The following WSCD1 variants were observed in gnomAD, a reference collection of about 807,000 sequenced individuals.
WSCD1 encodes WSC domain sialate O sulfotransferase 1, also known as sialate:O-sulfotransferase 1.
A neutral mutation model predicts 60.4 loss-of-function variants in WSCD1; 41 were observed. The observed-to-expected ratio is 0.68, with a 90% CI of 0.53 to 0.88. The LOEUF is 0.88. Among genes scored for constraint, WSCD1 ranks in the 40% least tolerant of loss-of-function variants. The pLI is 0.00. For synonymous variants in WSCD1, 361 were observed against 332.5 expected, an observed-to-expected ratio of 1.09 and a Z score of -0.93; for missense variants, 784 against 796.2, an observed-to-expected ratio of 0.98 and a Z score of 0.18.
At chr17:6,076,618 AC>A (rs1176508923) in intron 1 of WSCD1, among the ~76,000 whole-genome samples, 1 of 152,122 alleles carries the variant, frequency 6.6e-6, no homozygotes, top group Admixed American at 6.5e-5. Flanking sequence ...AAGCATATTT[AC>A]CCCCATTTAA....
In WSCD1 at chr17:6,080,847, C is replaced by T. The variant is rs946809877; in HGVS notation, c.189C>T (p.Gly63=). ...QTLPVAAVAL[G]VGLLDSRALH... ...TGCCAGTGGCCGCCGTGGCGCTGGG[C>T]GTGGGCTTGCTGGACAGCAGAGCCC... Residue 63 remains glycine, a synonymous_variant, in exon 2 of 9, where the codon GGC becomes GGT. Coordinates refer to ENST00000317744, the MANE Select transcript of WSCD1 (RefSeq NM_015253.2). The surrounding 1 kb of genome is among the most constrained non-coding windows in gnomAD (Gnocchi z 6.6). The T allele has an allele frequency of 8.7e-6, 14 of 1,606,588 alleles. No individual in the cohort carries two copies. The highest frequency in any genetic ancestry group is 6.7e-5 in the East Asian group (3 of 44,690).
chr17:6,082,644 T>C (rs944654589), intron 2 of WSCD1, among the ~76,000 whole-genome samples: 6 of 152,182 alleles, frequency 3.9e-5, no homozygotes, highest in African/African-American at 1.4e-4. Flanking sequence ...AGTCAGCTTC[T>C]CAGCATCCCT....
intron 8 of WSCD1, among the ~76,000 whole-genome samples, chr17:6,119,085 A>G (rs559835406): frequency 3.9e-5 from 6 of 152,194 alleles, no homozygotes; most frequent in East Asian, 1.9e-4. Context: ...CACTAATTCC[A>G]TCACAAGGGC....
chr17:6,078,342 G>A (rs149261398), intron 1 of WSCD1, among the ~76,000 whole-genome samples: 2 of 152,326 alleles, frequency 1.3e-5, no homozygotes, highest in South Asian at 4.1e-4. Flanking sequence ...CCGGGATGGT[G>A]AGTGCTGGGC....
intron 7 of WSCD1, among the ~76,000 whole-genome samples, chr17:6,117,389 G>A (rs1567562413): frequency 6.6e-6 from 1 of 152,218 alleles, no homozygotes; most frequent in Non-Finnish European, 1.5e-5. Flanking sequence ...CATGGCATCA[G>A]GTCAGAGGGT....
In WSCD1 at chr17:6,080,419, T is replaced by A. The variant is rs1909154938; in HGVS notation, c.-240T>A. The A allele has an allele frequency of 1.5e-5, 8 of 546,168 alleles. No individual in the cohort carries two copies. In the East Asian group the frequency reaches 2.6e-4, roughly 17 times the overall value. The allele number at this position is 546,168 out of a possible 1,614,324, so 33.8% of individuals were successfully genotyped here. Reference sequence around the variant, plus strand: ...GCGGTAGAGCCCTGGAATGGAGATGTCCTTGACGCCTGGGCAGAGGCTGCA... The same window carrying A: ...GCGGTAGAGCCCTGGAATGGAGATGACCTTGACGCCTGGGCAGAGGCTGCA... On this transcript the variant is annotated 5_prime_UTR_variant, in exon 2 of 9. The change creates a premature stop within an existing upstream ORF in the 5' untranslated region. Transcript: ENST00000317744. This position sits in a 1 kb window ranked among gnomAD's most constrained non-coding sequence, Gnocchi z 6.6.
At chr17:6,081,719 A>G (rs925053501) in intron 2 of WSCD1, among the ~76,000 whole-genome samples, 2 of 152,108 alleles carry the variant, frequency 1.3e-5, no homozygotes, top group African/African-American at 4.8e-5. Context: ...AAAAGAAAAA[A>G]AAAAAATTAG....
intron 5 of WSCD1, among the ~76,000 whole-genome samples, chr17:6,107,146 T>C (rs1911132305): frequency 2.6e-5 from 4 of 152,222 alleles, no homozygotes; most frequent in Admixed American, 2.6e-4. Flanking sequence ...CCTTGGTCTG[T>C]GTGTTGGCTG....
intron 3 of WSCD1, among the ~76,000 whole-genome samples, chr17:6,089,674 G>C (rs1373455101): frequency 1.3e-5 from 2 of 152,204 alleles, no homozygotes; most frequent in African/African-American, 4.8e-5. Context: ...TATAGTGGGA[G>C]TGTTTACATC....
chr17:6,120,279 G>A (rs768247335), intron 8 of WSCD1, 30 bp from the exon 9 acceptor site: 31 of 1,596,484 alleles, frequency 1.9e-5, no homozygotes, highest in East Asian at 4.5e-5. Flanking sequence ...GCCAGCCCCC[G>A]ACTCTGCATC....
Position 6,120,654 on chromosome 17 carries a change from C to T in WSCD1, c.1721C>T (p.Pro574Leu), listed in dbSNP as rs966101299. The T allele has an allele frequency of 3.1e-6, 5 of 1,609,426 alleles. No homozygotes were observed. The highest frequency in any genetic ancestry group is 1.7e-5 in the Admixed American group (1 of 59,876). Reference protein sequence around the residue: ...NWTGLPREYVPR With the variant: ...NWTGLPREYVLR The stretch of plus-strand genomic sequence containing the variant: ...ACGGGGCTGCCCAGGGAGTATGTGC[C>T]CAGATGATAGGCCTGGCCCACGCCG... Residue 574 changes from proline to leucine, a missense_variant, in exon 9 of 9, where the codon CCC (proline) becomes CTC (leucine). Pro to Leu is a moderately conservative substitution (Grantham distance 98, BLOSUM62 -3). Transcript: ENST00000317744.
chr17:6,111,720 A>G (rs942660211), intron 7 of WSCD1, among the ~76,000 whole-genome samples: 1 of 151,238 alleles, frequency 6.6e-6, no homozygotes, highest in Non-Finnish European at 1.5e-5. Context: ...AAAAAAAAAA[A>G]AAAAGAGCAA....
intron 4 of WSCD1, among the ~76,000 whole-genome samples, chr17:6,091,886 G>C (rs925681994): frequency 1.3e-5 from 2 of 152,240 alleles, no homozygotes; most frequent in Non-Finnish European, 2.9e-5. Flanking sequence ...GCCGGGCGCG[G>C]TGGCTCACGC....
intron 7 of WSCD1, among the ~76,000 whole-genome samples, chr17:6,114,194 G>A (rs1567561575): frequency 6.7e-6 from 1 of 149,552 alleles, no homozygotes; most frequent in Non-Finnish European, 1.5e-5. Context: ...TGTAATTCAC[G>A]GCCACATGGA....
intron 2 of WSCD1, chr17:6,084,772 C>T (rs1909517543): frequency 6.6e-6 from 1 of 152,220 alleles, no homozygotes; most frequent in Non-Finnish European, 1.5e-5. Flanking sequence ...AATGCAATGC[C>T]TCCATTTCAG....
chr17:6,081,491 A>G (rs1909271512), intron 2 of WSCD1, among the ~76,000 whole-genome samples: 1 of 152,054 alleles, frequency 6.6e-6, no homozygotes, highest in Non-Finnish European at 1.5e-5. Flanking sequence ...CGGGCAGATC[A>G]CTTGAGGTCA....
intron 5 of WSCD1, among the ~76,000 whole-genome samples, chr17:6,095,825 A>G (rs1358718552): frequency 6.6e-6 from 1 of 152,182 alleles, no homozygotes; most frequent in African/African-American, 2.4e-5. Flanking sequence ...GAGACCCAGC[A>G]GACTGTGTCC....
At chr17:6,071,973 G>C (rs943631411) in intron 1 of WSCD1, among the ~76,000 whole-genome samples, 11 of 152,246 alleles carry the variant, frequency 7.2e-5, no homozygotes, top group Admixed American at 2.6e-4. Context: ...ATCTGAAGGA[G>C]GCTTGGCGGT....
At chr17:6,104,359 C>A (rs750799853) in intron 5 of WSCD1, among the ~76,000 whole-genome samples, 1 of 152,158 alleles carries the variant, frequency 6.6e-6, no homozygotes, top group African/African-American at 2.4e-5. Flanking sequence ...TCTGTGAGAG[C>A]CCTTAGTCAT....
Sources: allele counts gnomAD v4.1 joint callset (sites outside exome capture counted in the v4.1 genomes callset), GRCh38; gene constraint gnomAD v4.1.1; non-coding constraint Gnocchi (gnomAD v3.1); transcripts MANE v1.5; gene names NCBI Gene and HGNC (gene_info 2026-07-23, HGNC 2026-07-21).